Variants in SNX9 observed in about 807,000 individuals in gnomAD.
SNX9 encodes the protein sorting nexin-9.
Under a neutral mutation model 89.4 loss-of-function variants are expected in SNX9, and 44 were observed. The observed-to-expected ratio is 0.49, with a 90% CI of 0.39 to 0.63. The LOEUF (loss-of-function observed/expected upper bound fraction) is 0.63, where lower values mean the gene tolerates loss of function less well. Ranked by LOEUF, SNX9 falls within the 30% of genes least tolerant of loss-of-function variation. SNX9 has a pLI of 0.00. For missense variants in SNX9, 578 were observed against 736.1 expected (o/e 0.79, Z 2.49); for synonymous variants, 236 against 247.8 (o/e 0.95, Z 0.45).
intron 4 of SNX9, among the ~76,000 whole-genome samples, chr6:157,882,478 G>A (rs1782647222): frequency 6.6e-6 from 1 of 152,124 alleles, no homozygotes; most frequent in East Asian, 1.9e-4. Flanking sequence ...ATTTCGCAAG[G>A]CTATGGCTGC....
At position 157,823,940 on chromosome 6, in the gene SNX9, G is replaced by C. The variant is rs1781291024; in HGVS notation, c.12+494G>C. 6.6e-6 allele frequency among the ~76,000 whole-genome samples: 1 copy of C among 152,122 alleles called. No individual in the cohort carries two copies. The highest frequency in any genetic ancestry group is 1.5e-5 in the Non-Finnish European group (1 of 68,006). On this transcript the variant is annotated intron_variant, in intron 1 of 17. Transcript: ENST00000392185. This position sits in a 1 kb window ranked among gnomAD's most constrained non-coding sequence, Gnocchi z 4.6. ...AGAGGACGCGGCGCTTCCCGTCCCG[G>C]CCTGCGGGGGCTCGCGGCCGGGGAG...
At chr6:157,844,587 G>GTTTTTTTTTTTTTTTTTTTTT (rs1177648226) in intron 1 of SNX9, among the ~76,000 whole-genome samples, 7 of 130,294 alleles carry the variant, frequency 5.4e-5, no homozygotes, top group East Asian at 2.2e-4. Context: ...GCTAATCCTT[G>GTTTTTTTTTTTTTTTTTTTTT]TTTTTTTTTT....
At chr6:157,830,653 GC>G (rs1224543958) in intron 1 of SNX9, 2 of 152,166 alleles carry the variant, frequency 1.3e-5, no homozygotes, top group Non-Finnish European at 2.9e-5. Flanking sequence ...GTAACTGCCT[GC>G]CTCTTGTGGC....
At position 157,832,903 on chromosome 6, in the gene SNX9, A is replaced by G. The variant is rs1006990057; in HGVS notation, c.12+9457A>G. On this transcript the variant is annotated intron_variant, in intron 1 of 17. Coordinates refer to ENST00000392185, the MANE Select transcript of SNX9 (RefSeq NM_016224.5). ...TTGAGTGAGTTTTAAACCTTACTCT[A>G]TCACTTCAGTTGCTTCAAAAATACT... Among the ~76,000 whole-genome samples, 9 of 152,310 alleles carry G rather than the reference A, an allele frequency of 5.9e-5. No homozygotes were observed. The South Asian group carries it at 6.2e-4, about 11-fold the overall frequency.
intron 1 of SNX9, among the ~76,000 whole-genome samples, chr6:157,833,108 C>T (rs1226216018): frequency 3.9e-5 from 6 of 152,018 alleles, no homozygotes; most frequent in Non-Finnish European, 1.5e-5. Context: ...TTAAAATGTG[C>T]GAGTTTAAAT....
At chr6:157,924,470 G>A (rs1451320544) in intron 10 of SNX9, 2 of 152,210 alleles carry the variant, frequency 1.3e-5, no homozygotes, top group Non-Finnish European at 2.9e-5. Context: ...TATAGCCAAA[G>A]GAGTCATTAT....
chr6:157,895,913 C>T (rs1274452719), intron 4 of SNX9, among the ~76,000 whole-genome samples: 1 of 152,202 alleles, frequency 6.6e-6, no homozygotes, highest in Non-Finnish European at 1.5e-5. Context: ...TTCTCGAGAA[C>T]AGGAGATCCC....
intron 7 of SNX9, among the ~76,000 whole-genome samples, chr6:157,908,373 C>T (rs916224422): frequency 3.3e-5 from 5 of 152,102 alleles, no homozygotes; most frequent in Non-Finnish European, 7.4e-5. Context: ...TTTTTTCATT[C>T]TCTTCTTGGA....
At chr6:157,886,922 C>G (rs1782748500) in intron 4 of SNX9, among the ~76,000 whole-genome samples, 1 of 151,464 alleles carries the variant, frequency 6.6e-6, no homozygotes. Flanking sequence ...CAAGCTGAGT[C>G]TTCTACCTCA....
chr6:157,876,600 G>A (rs1469960256), intron 4 of SNX9, among the ~76,000 whole-genome samples: 3 of 152,238 alleles, frequency 2.0e-5, no homozygotes, highest in Admixed American at 2.0e-4. Flanking sequence ...CAGGCAAGGT[G>A]ATTGATCACT....
At chr6:157,849,733 G>A (rs1314359147) in intron 1 of SNX9, among the ~76,000 whole-genome samples, 2 of 152,100 alleles carry the variant, frequency 1.3e-5, no homozygotes, top group African/African-American at 2.4e-5. Flanking sequence ...TTTCTTTTTG[G>A]GTGAGTGGAT....
chr6:157,920,769 G>A (rs530920693), intron 9 of SNX9, among the ~76,000 whole-genome samples: 2 of 152,260 alleles, frequency 1.3e-5, no homozygotes, highest in East Asian at 3.9e-4. Context: ...AGTAGTTTTT[G>A]TTTGTAGGTT....
At position 157,894,111 on chromosome 6, in the gene SNX9, T is replaced by C. The variant is rs572927245; in HGVS notation, c.301-2716T>C. On this transcript the variant is annotated intron_variant, in intron 4 of 17. Coordinates refer to ENST00000392185, the MANE Select transcript of SNX9 (RefSeq NM_016224.5). ...TTTCTTTTCGCTTTTCTTTTCTTTT[T>C]TTTTTTTTTTTTTTTTGAGACAGAG... is the stretch of plus-strand genomic sequence containing the variant. Among the ~76,000 whole-genome samples the C allele has an allele frequency of 6.0e-4, 80 of 133,962 alleles. No individual in the cohort carries two copies. The South Asian group carries it at 7.8e-3, about 13-fold the overall frequency. The allele number at this position is 133,962 out of a possible 152,430, so 87.9% of individuals were successfully genotyped here. A position where few individuals can be genotyped will look rare whatever the true frequency, so the allele number is the denominator to read the frequency against.
chr6:157,916,302 G>A lies in SNX9; in HGVS notation c.950-5229G>A, dbSNP rs1393906857. Among the ~76,000 whole-genome samples the A allele has an allele frequency of 2.0e-5, 3 of 152,122 alleles. No individual in the cohort carries two copies. In the East Asian group the frequency reaches 5.8e-4, roughly 29 times the overall value. ...ACCCGCCTCGGCCTCCCAAAGTGCT[G>A]GGATTACAGGCGTGAGCCACCGTGC... On this transcript the variant is annotated intron_variant, in intron 9 of 17. Coordinates refer to ENST00000392185, the MANE Select transcript of SNX9 (RefSeq NM_016224.5).
chr6:157,890,458 A>C (rs1275295886), intron 4 of SNX9, among the ~76,000 whole-genome samples: 4 of 152,202 alleles, frequency 2.6e-5, no homozygotes, highest in African/African-American at 9.6e-5. Flanking sequence ...ATAGCTTTTA[A>C]ATTTAGAACG....
chr6:157,884,456 G>A (rs1344277216), intron 4 of SNX9, among the ~76,000 whole-genome samples: 1 of 152,062 alleles, frequency 6.6e-6, no homozygotes, highest in African/African-American at 2.4e-5. Flanking sequence ...CCTCACAAAG[G>A]TTCAGTATTA....
At chr6:157,868,598 G>GT (rs1308369727) in intron 2 of SNX9, among the ~76,000 whole-genome samples, 1 of 152,096 alleles carries the variant, frequency 6.6e-6, no homozygotes, top group African/African-American at 2.4e-5. Flanking sequence ...TTCTGTTACA[G>GT]TTTTTTCCAT....
At chr6:157,855,904 T>C (rs1562595343) in intron 1 of SNX9, among the ~76,000 whole-genome samples, 2 of 152,150 alleles carry the variant, frequency 1.3e-5, no homozygotes, top group African/African-American at 4.8e-5. Context: ...GCCAAGCTAA[T>C]ATTTTTTTGT....
At chr6:157,853,750 A>G (rs139551399) in intron 1 of SNX9, among the ~76,000 whole-genome samples, 224 of 152,160 alleles carry the variant, frequency 1.5e-3, no homozygotes, top group Non-Finnish European at 2.7e-3. Flanking sequence ...GGAAATAGTT[A>G]TGCCACAATT....
Sources: gnomAD v4.1 joint callset for allele counts (sites outside exome capture counted in the v4.1 genomes callset) on GRCh38, gnomAD v4.1.1 for gene constraint, Gnocchi (gnomAD v3.1) non-coding constraint, MANE v1.5 for transcripts, NCBI Gene and HGNC (gene_info 2026-07-23, HGNC 2026-07-21) for gene names.